Variants in CBLB observed in about 807,000 individuals in gnomAD.
The protein encoded by CBLB is Cbl proto-oncogene B.
A neutral mutation model predicts 104.9 loss-of-function variants in CBLB; 31 were observed. That is an observed-to-expected ratio of 0.30 (90% CI 0.22 to 0.40). The LOEUF is 0.40. Ranked by LOEUF, CBLB falls within the 10% of genes least tolerant of loss-of-function variation. The pLI, the probability that CBLB is intolerant of heterozygous loss-of-function variation, is 1.00. For missense variants in CBLB, 1,062 were observed against 1,214.6 expected (o/e 0.87, Z 1.87); for synonymous variants, 440 against 422.6 (o/e 1.04, Z -0.51).
intron 3 of CBLB, among the ~76,000 whole-genome samples, chr3:105,826,096 G>GCTCCAGCATGACGCAA (rs374152281): frequency 0.11 from 17,343 of 151,486 alleles, 1,132 homozygotes; most frequent in African/African-American, 0.16. Flanking sequence ...GCATGACACG[G>GCTCCAGCATGACGCAA]CTCCAGCATG....
At chr3:105,753,413 C>T (rs1224201152) in intron 4 of CBLB, among the ~76,000 whole-genome samples, 1 of 151,748 alleles carries the variant, frequency 6.6e-6, no homozygotes, top group Non-Finnish European at 1.5e-5. Context: ...TATTAGGAAG[C>T]TGTTGATTTA....
chr3:105,819,916 C>A (rs1167912487), intron 3 of CBLB, among the ~76,000 whole-genome samples: 3 of 152,124 alleles, frequency 2.0e-5, no homozygotes, highest in Admixed American at 1.3e-4. Flanking sequence ...GACAATTTTT[C>A]CATGGACCAG....
At chr3:105,851,486 G>T (rs1043478596) in intron 3 of CBLB, among the ~76,000 whole-genome samples, 5 of 152,160 alleles carry the variant, frequency 3.3e-5, no homozygotes, top group African/African-American at 1.2e-4. Flanking sequence ...ATGGAGCATA[G>T]AACAGCACAA....
At chr3:105,856,907 A>C (rs2091679576) in intron 2 of CBLB, among the ~76,000 whole-genome samples, 2 of 152,162 alleles carry the variant, frequency 1.3e-5, no homozygotes, top group Admixed American at 1.3e-4. Flanking sequence ...TATTTAACAA[A>C]TCCTGCTTGA....
rs140656397 is a variant in CBLB at position 105,828,403 on chromosome 3, C to T, written c.419+25011G>A. On this transcript the variant is annotated intron_variant, in intron 3 of 18. Coordinates refer to ENST00000394030, the MANE Select transcript of CBLB (RefSeq NM_170662.5). Reference sequence around the variant, plus strand: ...TCTTTAATACAGATGTCAAAGGAAACGACAAAACAATTTTCATTAAATATT... The same window carrying T: ...TCTTTAATACAGATGTCAAAGGAAATGACAAAACAATTTTCATTAAATATT... Among the ~76,000 whole-genome samples, 793 of 152,198 alleles carry T rather than the reference C, an allele frequency of 5.2e-3. 8 individuals are homozygous for T. Among genetic ancestry groups the T allele is most frequent in the African/African-American group, 0.018 (747 of 41,530 alleles).
At chr3:105,744,848 C>T (rs1024418865) in intron 6 of CBLB, among the ~76,000 whole-genome samples, 1 of 151,958 alleles carries the variant, frequency 6.6e-6, no homozygotes, top group East Asian at 1.9e-4. Context: ...GAGAATTGCT[C>T]GAACCAGGGA....
rs116460400 is a variant in CBLB, at chr3:105,776,533, G to A, written c.429C>T (p.Leu143=). 5.6e-6 allele frequency: 9 copies of A among 1,613,690 alleles called. No homozygotes were observed. In the East Asian group the frequency reaches 1.8e-4, roughly 32 times the overall value. The change falls in exon 4 of 19, where the codon CTC becomes CTT. Residue 143 remains leucine (L), a synonymous_variant. Transcript: ENST00000394030. ...YEEQSQDRRN[L]TKLSLIFSHM... ...GACTGAAGATAAGGGACAGTTTTGT[G>A]AGATTTCGTCTGTAGGCACAAGGGA...
chr3:105,678,291 T>C (rs559691653), intron 17 of CBLB, 140 bp downstream of exon 17: 7 of 784,334 alleles, frequency 8.9e-6, no homozygotes, highest in African/African-American at 3.4e-5. Flanking sequence ...GTACCCACGA[T>C]TGCTACTTTT....
At chr3:105,723,140 G>A (rs984757432) in intron 9 of CBLB, among the ~76,000 whole-genome samples, 6 of 152,078 alleles carry the variant, frequency 3.9e-5, no homozygotes, top group African/African-American at 7.2e-5. Context: ...CAAATTAGAC[G>A]TCTAACCATA....
At chr3:105,660,397 G>T (rs142072960) in intron 18 of CBLB, among the ~76,000 whole-genome samples, 1 of 150,744 alleles carries the variant, frequency 6.6e-6, no homozygotes, top group African/African-American at 2.4e-5. Context: ...TCACCATGTT[G>T]ATCAGGCTGG....
rs58640968 is a variant in CBLB, at chr3:105,780,660, G to GTTTTTTTTTTTTTTTTTTTTTTTTTT, written c.420-4119_420-4118insAAAAAAAAAAAAAAAAAAAAAAAAAA. 6.4e-5 allele frequency among the ~76,000 whole-genome samples: 6 copies of GTTTTTTTTTTTTTTTTTTTTTTTTTT among 94,036 alleles called. 1 individual carries two copies. Among genetic ancestry groups the GTTTTTTTTTTTTTTTTTTTTTTTTTT allele is most frequent in the East Asian group, 3.5e-4 (1 of 2,896 alleles). The allele number at this position is 94,036 out of a possible 152,430, so 61.7% of individuals were successfully genotyped here. A position where few individuals can be genotyped will look rare whatever the true frequency, so the allele number is the denominator to read the frequency against. ...TTTTACAATAAAAGTTTTGTTTTTTGTTTTTTTTTTTTTTTTTTTTGAGAT... is the reference window on the plus strand; with the variant it reads ...TTTTACAATAAAAGTTTTGTTTTTTGTTTTTTTTTTTTTTTTTTTTTTTTTTTTTTTTTTTTTTTTTTTTTTGAGAT... On this transcript the variant is annotated intron_variant, in intron 3 of 18. Transcript: ENST00000394030.
chr3:105,851,377 G>C lies in CBLB; in HGVS notation c.419+2037C>G, dbSNP rs184588131. ...AGATCAGCGGTTGCCATGGGTTCAG[G>C]GGGGGAAGTGAGACAGTAAGTAGAT... On this transcript the variant is annotated intron_variant, in intron 3 of 18. Coordinates refer to ENST00000394030, the MANE Select transcript of CBLB (RefSeq NM_170662.5). Among the ~76,000 whole-genome samples, 1,303 of 152,228 alleles carry C rather than the reference G, an allele frequency of 8.6e-3. 18 individuals carry two copies. The highest frequency in any genetic ancestry group is 0.029 in the African/African-American group (1,199 of 41,530).
chr3:105,766,454 AG>A (rs1005324861), intron 4 of CBLB, among the ~76,000 whole-genome samples: 8 of 152,198 alleles, frequency 5.3e-5, no homozygotes, highest in Admixed American at 3.3e-4. Context: ...ATTACATGAA[AG>A]GAAGAACCAA....
intron 3 of CBLB, among the ~76,000 whole-genome samples, chr3:105,847,514 A>T (rs973543720): frequency 6.6e-6 from 1 of 151,926 alleles, no homozygotes; most frequent in Non-Finnish European, 1.5e-5. Flanking sequence ...GTTAATGTTA[A>T]GGCAACATCT....
In CBLB at chr3:105,749,042, G is replaced by A. The variant is rs144216509; in HGVS notation, c.723+2420C>T. Among the ~76,000 whole-genome samples, 7 of 152,196 alleles carry A rather than the reference G, an allele frequency of 4.6e-5. No homozygotes were observed. The East Asian group carries it at 1.4e-3, about 29-fold the overall frequency. ...ATATTTTCATACAGAATATATAAAT[G>A]TAAGGATTTAATAAATATAATACAT... On this transcript the variant is annotated intron_variant, in intron 5 of 18. Transcript: ENST00000394030.
intron 4 of CBLB, among the ~76,000 whole-genome samples, chr3:105,768,802 G>A (rs2078515267): frequency 6.6e-6 from 1 of 152,088 alleles, no homozygotes; most frequent in Non-Finnish European, 1.5e-5. Context: ...GTATATGAAT[G>A]AGAAAAACTC....
intron 6 of CBLB, among the ~76,000 whole-genome samples, chr3:105,744,416 A>T (rs1356539618): frequency 6.6e-6 from 1 of 152,202 alleles, no homozygotes; most frequent in Admixed American, 6.5e-5. Flanking sequence ...TCATTCATCT[A>T]AACCACTGTC....
intron 3 of CBLB, among the ~76,000 whole-genome samples, chr3:105,843,192 C>CCATTCAA (rs1157599824): frequency 5.9e-5 from 9 of 152,168 alleles, no homozygotes; most frequent in Middle Eastern, 3.2e-3. Flanking sequence ...ATGGTTTAAA[C>CCATTCAA]CATTCAACAT....
At chr3:105,824,010 T>A (rs932309027) in intron 3 of CBLB, among the ~76,000 whole-genome samples, 5 of 152,192 alleles carry the variant, frequency 3.3e-5, no homozygotes, top group African/African-American at 1.2e-4. Flanking sequence ...CATTCTCACC[T>A]TTCCTACTTC....
Sources: allele counts gnomAD v4.1 joint callset (sites outside exome capture counted in the v4.1 genomes callset), GRCh38; gene constraint gnomAD v4.1.1; transcripts MANE v1.5; gene names NCBI Gene and HGNC (gene_info 2026-07-23, HGNC 2026-07-21).